The following TMEM233 variants were observed in gnomAD, a reference collection of about 807,000 sequenced individuals.
The protein encoded by TMEM233 is transmembrane protein 233.
TMEM233 carries 6 observed loss-of-function variants against 11.2 expected under a neutral mutation model. That is an observed-to-expected ratio of 0.54 (90% CI 0.29 to 1.06). The LOEUF (loss-of-function observed/expected upper bound fraction) is 1.06, where lower values mean the gene tolerates loss of function less well. Among genes scored for constraint, TMEM233 ranks in the 50% least tolerant of loss-of-function variants. The pLI is 0.08. For missense variants in TMEM233, 127 were observed against 144.7 expected, an observed-to-expected ratio of 0.88 and a Z score of 0.63; for synonymous variants, 59 against 55.8, an observed-to-expected ratio of 1.06 and a Z score of -0.26.
chr12:119,639,972 G>A (rs1264719888), intron 2 of TMEM233, among the ~76,000 whole-genome samples: 2 of 152,126 alleles, frequency 1.3e-5, no homozygotes, highest in African/African-American at 2.4e-5. Flanking sequence ...TTGTGTAAAC[G>A]CATACACATG....
At chr12:119,632,959 T>C (rs1954914211) in intron 2 of TMEM233, among the ~76,000 whole-genome samples, 1 of 152,182 alleles carries the variant, frequency 6.6e-6, no homozygotes, top group South Asian at 2.1e-4. Flanking sequence ...ATTCATATGT[T>C]AGACTTTCTC....
chr12:119,626,492 A>AG (rs1334461369), intron 1 of TMEM233, among the ~76,000 whole-genome samples: 16 of 141,418 alleles, frequency 1.1e-4, no homozygotes, highest in African/African-American at 2.2e-4. Context: ...AAAAAGAAGA[A>AG]AAAGGAGGAG....
intron 1 of TMEM233, among the ~76,000 whole-genome samples, chr12:119,626,562 AAG>A (rs1954770058): frequency 2.1e-5 from 3 of 142,790 alleles, no homozygotes; most frequent in Non-Finnish European, 4.5e-5. Context: ...AAGAGAAGAG[AAG>A]AGAAGAGAAG....
At position 119,641,779 on chromosome 12, in the gene TMEM233, A is replaced by G. The variant is rs1033149047; in HGVS notation, c.*1074A>G. On this transcript the variant is annotated 3_prime_UTR_variant, in exon 3 of 3. Transcript: ENST00000426426. ...CATTAAGTAATACCAAATCACAAAG[A>G]ATGTTTCCCCTTTTCTATTCTTTTT... 1.6e-4 allele frequency: 24 copies of G among 152,168 alleles called. No homozygotes were observed. Among genetic ancestry groups the G allele is most frequent in the South Asian group, 2.1e-4 (1 of 4,826 alleles). 9.4% of individuals were successfully genotyped at this position (152,168 alleles called of 1,614,324 possible).
chr12:119,616,030 C>G (rs545603415), intron 1 of TMEM233, among the ~76,000 whole-genome samples: 1 of 152,102 alleles, frequency 6.6e-6, no homozygotes, highest in Non-Finnish European at 1.5e-5. Context: ...ATGTGTCCAT[C>G]CAGGGAAGGG....
intron 1 of TMEM233, among the ~76,000 whole-genome samples, chr12:119,600,574 G>A (rs937224915): frequency 2.0e-5 from 3 of 152,168 alleles, no homozygotes; most frequent in Admixed American, 2.0e-4. Flanking sequence ...AACAAAATGT[G>A]TTATATACAT....
intron 1 of TMEM233, among the ~76,000 whole-genome samples, chr12:119,626,524 GGAGAAGGGAGAAGGGAGAAGAGAAGAGAA>G (rs1239662631): frequency 3.1e-5 from 1 of 32,366 alleles, no homozygotes; most frequent in Non-Finnish European, 7.6e-5. Context: ...GGAGGAGAAG[GGAGAAGGGAGAAGGGAGAAGAGAAGAGAA>G]GAGAAGAGAA....
downstream of TMEM233, among the ~76,000 whole-genome samples, chr12:119,643,490 C>T (rs1432791772): frequency 1.3e-5 from 2 of 152,160 alleles, no homozygotes; most frequent in African/African-American, 4.8e-5. Context: ...GATTGGTGGC[C>T]GGGCGCGGTG....
At chr12:119,650,901 C>T in the TMEM233 span, among the ~76,000 whole-genome samples, 1 of 152,202 alleles carries the variant, frequency 6.6e-6, no homozygotes, top group Non-Finnish European at 1.5e-5. Flanking sequence ...CTTTGACCTC[C>T]TAAAGTGCTG....
chr12:119,643,422 G>T (rs1408430894), downstream of TMEM233, among the ~76,000 whole-genome samples: 1 of 152,248 alleles, frequency 6.6e-6, no homozygotes, highest in East Asian at 1.9e-4. Flanking sequence ...CTTGTCCAGA[G>T]CTTCCTCCAA....
At chr12:119,650,569 A>G in the TMEM233 span, among the ~76,000 whole-genome samples, 1 of 152,200 alleles carries the variant, frequency 6.6e-6, no homozygotes. Flanking sequence ...TGTGAGATGA[A>G]CTTTTACGGC....
intron 1 of TMEM233, among the ~76,000 whole-genome samples, chr12:119,601,018 A>C (rs1168653699): frequency 6.6e-6 from 1 of 152,192 alleles, no homozygotes; most frequent in East Asian, 1.9e-4. Flanking sequence ...ATAGTCAAGA[A>C]TATATATAAT....
chr12:119,620,784 A>T lies in TMEM233; in HGVS notation c.187-8952A>T, dbSNP rs151140168. ...GGGAAAGGAAACAAGAATAAGATAG[A>T]CTTGGACACACTAGCTTGGGAAGTT... is the stretch of plus-strand genomic sequence containing the variant. On this transcript the variant is annotated intron_variant, in intron 1 of 2. Coordinates refer to ENST00000426426, the MANE Select transcript of TMEM233 (RefSeq NM_001136534.3). Among the ~76,000 whole-genome samples, 941 of 152,316 alleles carry T rather than the reference A, an allele frequency of 6.2e-3. 9 individuals carry two copies. The highest frequency in any genetic ancestry group is 0.021 in the African/African-American group (886 of 41,574).
Position 119,639,146 on chromosome 12 carries a change from T to C in TMEM233, c.324-1553T>C, listed in dbSNP as rs546006181. Among the ~76,000 whole-genome samples the C allele has an allele frequency of 4.6e-5, 7 of 152,274 alleles. No individual in the cohort carries two copies. In the East Asian group the frequency reaches 1.4e-3, roughly 29 times the overall value. On this transcript the variant is annotated intron_variant, in intron 2 of 2. Transcript: ENST00000426426. Reference sequence around the variant, plus strand: ...AGCTGGTTCCCATTTCTCCTTCTGGTACTTGTTCATATATTACATTAGCAA... The same window carrying C: ...AGCTGGTTCCCATTTCTCCTTCTGGCACTTGTTCATATATTACATTAGCAA...
At chr12:119,604,998 C>CTTTT (rs1555264652) in intron 1 of TMEM233, among the ~76,000 whole-genome samples, 1 of 141,456 alleles carries the variant, frequency 7.1e-6, no homozygotes, top group Non-Finnish European at 1.5e-5. Context: ...CCCTCACTAT[C>CTTTT]TTTTTTTTTT....
At chr12:119,635,720 G>A (rs963015398) in intron 2 of TMEM233, among the ~76,000 whole-genome samples, 1 of 152,124 alleles carries the variant, frequency 6.6e-6, no homozygotes, top group African/African-American at 2.4e-5. Context: ...TGTGACCTGC[G>A]CTTCTGACTG....
intron 1 of TMEM233, among the ~76,000 whole-genome samples, chr12:119,626,219 C>T (rs1203240220): frequency 6.6e-6 from 1 of 152,058 alleles, no homozygotes; most frequent in African/African-American, 2.4e-5. Flanking sequence ...TGCCTGTAAT[C>T]CCAACACTCT....
At chr12:119,649,437 T>C in the TMEM233 span, among the ~76,000 whole-genome samples, 1 of 152,098 alleles carries the variant, frequency 6.6e-6, no homozygotes, top group African/African-American at 2.4e-5. Flanking sequence ...CAATTTAGAG[T>C]GTTCCCTAAC....
chr12:119,644,948 C>T (rs1248950294), downstream of TMEM233, among the ~76,000 whole-genome samples: 1 of 152,162 alleles, frequency 6.6e-6, no homozygotes, highest in Non-Finnish European at 1.5e-5. Flanking sequence ...GGGGAACAGA[C>T]ACACACAAAC....
Sources: allele counts gnomAD v4.1 joint callset (sites outside exome capture counted in the v4.1 genomes callset), GRCh38; gene constraint gnomAD v4.1.1; transcripts MANE v1.5; gene names NCBI Gene and HGNC (gene_info 2026-07-23, HGNC 2026-07-21).